The following IL1RAPL1 variants were observed in gnomAD, a reference collection of about 807,000 sequenced individuals.
IL1RAPL1 encodes interleukin-1 receptor accessory protein-like 1.
A neutral mutation model predicts 48.4 loss-of-function variants in IL1RAPL1; 3 were observed. The observed-to-expected ratio is 0.06, with a 90% CI of 0.03 to 0.16. The LOEUF (loss-of-function observed/expected upper bound fraction) is 0.16. Among genes scored for constraint, IL1RAPL1 ranks in the 10% least tolerant of loss-of-function variants. IL1RAPL1 has a pLI of 1.00. For missense variants in IL1RAPL1, 349 were observed against 530.6 expected, an observed-to-expected ratio of 0.66 and a Z score of 3.36; for synonymous variants, 185 against 187.7, an observed-to-expected ratio of 0.99 and a Z score of 0.12.
intron 6 of IL1RAPL1, among the ~76,000 whole-genome samples, chrX:29,803,375 A>G (rs193217846): frequency 0.017 from 1,457 of 83,945 alleles, 42 homozygotes; most frequent in Non-Finnish European, 0.027. Flanking sequence ...ATATGTATAT[A>G]TGTATACATG....
At chrX:29,569,245 C>T (rs1213108414) in intron 5 of IL1RAPL1, among the ~76,000 whole-genome samples, 1 of 110,527 alleles carries the variant, frequency 9.0e-6, no homozygotes, top group Admixed American at 9.7e-5. Flanking sequence ...ATAGTATAAA[C>T]ATTCTGACTA....
At chrX:29,589,323 G>C (rs752067851) in intron 5 of IL1RAPL1, among the ~76,000 whole-genome samples, 3 of 111,598 alleles carry the variant, frequency 2.7e-5, no homozygotes, top group Non-Finnish European at 3.8e-5. Context: ...TGTATTCATA[G>C]TTAGCGAGCA....
intron 2 of IL1RAPL1, among the ~76,000 whole-genome samples, chrX:28,839,656 C>T (rs945078526): frequency 2.7e-5 from 3 of 110,563 alleles, no homozygotes; most frequent in Non-Finnish European, 3.8e-5. Flanking sequence ...ATTAATCCAT[C>T]ATGATGATGA....
chrX:29,912,783 A>G (rs1443551889), intron 6 of IL1RAPL1, among the ~76,000 whole-genome samples: 1 of 112,208 alleles, frequency 8.9e-6, no homozygotes, highest in African/African-American at 3.2e-5. Context: ...CTGTTGTGTA[A>G]TTGGCATATC....
At chrX:29,188,752 A>G (rs1268379870) in intron 2 of IL1RAPL1, among the ~76,000 whole-genome samples, 1 of 108,935 alleles carries the variant, frequency 9.2e-6, no homozygotes, top group Non-Finnish European at 1.9e-5. Flanking sequence ...ATGCCTGGCT[A>G]ATTTTTTTAT....
In IL1RAPL1 at chrX:28,789,274, A is replaced by G. The variant is rs771645520; in HGVS notation, c.-24-46A>G. ...TGAAACTCTAATAATATTGCTATCT[A>G]TTTTTAAAACATGTATGTTTTTCTT... On this transcript the variant is annotated intron_variant, in intron 1 of 10. Transcript: ENST00000378993. 7 of 757,961 alleles carry G rather than the reference A, an allele frequency of 9.2e-6. No homozygotes were observed. The East Asian group carries it at 2.0e-4, about 21-fold the overall frequency. 62.5% of individuals were successfully genotyped at this position (757,961 alleles called of 1,213,427 possible).
At chrX:29,600,928 T>A (rs1923700732) in intron 5 of IL1RAPL1, among the ~76,000 whole-genome samples, 1 of 111,020 alleles carries the variant, frequency 9.0e-6, no homozygotes, top group Non-Finnish European at 1.9e-5. Context: ...ACCATGCCCC[T>A]CCAACAGCAC....
intron 3 of IL1RAPL1, among the ~76,000 whole-genome samples, chrX:29,378,853 C>G (rs1308692247): frequency 8.9e-6 from 1 of 112,223 alleles, no homozygotes; most frequent in East Asian, 2.8e-4. Context: ...CCACCATGCC[C>G]ACATTTATTT....
At chrX:29,182,577 T>G (rs975626279) in intron 2 of IL1RAPL1, among the ~76,000 whole-genome samples, 1 of 108,014 alleles carries the variant, frequency 9.3e-6, no homozygotes, top group African/African-American at 3.4e-5. Flanking sequence ...TGTACTTAGT[T>G]TTTTTTTTTT....
intron 6 of IL1RAPL1, among the ~76,000 whole-genome samples, chrX:29,815,043 C>T (rs1053540866): frequency 5.4e-5 from 6 of 111,160 alleles, no homozygotes; most frequent in African/African-American, 1.6e-4. Flanking sequence ...TGCTTAGAAC[C>T]GCTTTGGCTA....
At chrX:29,150,696 G>T (rs1929446213) in intron 2 of IL1RAPL1, among the ~76,000 whole-genome samples, 1 of 110,088 alleles carries the variant, frequency 9.1e-6, no homozygotes, top group Admixed American at 9.8e-5. Context: ...GGCTGAGGAG[G>T]GCAGATCACG....
chrX:29,431,274 T>A (rs1329809533), intron 5 of IL1RAPL1, among the ~76,000 whole-genome samples: 10 of 112,115 alleles, frequency 8.9e-5, no homozygotes, highest in Non-Finnish European at 5.6e-5. Context: ...AATATTCACA[T>A]TAAAAACATT....
In IL1RAPL1 at chrX:28,990,412, A is replaced by G. The variant is rs760705494; in HGVS notation, c.82+200987A>G. Among the ~76,000 whole-genome samples the G allele has an allele frequency of 1.4e-3, 159 of 112,156 alleles. 2 individuals are homozygous for G. Among genetic ancestry groups the G allele is most frequent in the Admixed American group, 2.8e-3 (30 of 10,527 alleles). On this transcript the variant is annotated intron_variant, in intron 2 of 10. Transcript: ENST00000378993. Reference sequence around the variant, plus strand: ...GCTTTCGTTGATCTGGATAGGAGATATCTGCCTGAAATGTGAATTAATCTG... The same window carrying G: ...GCTTTCGTTGATCTGGATAGGAGATGTCTGCCTGAAATGTGAATTAATCTG...
intron 1 of IL1RAPL1, among the ~76,000 whole-genome samples, chrX:28,768,129 A>T (rs1936262589): frequency 8.9e-6 from 1 of 111,835 alleles, no homozygotes; most frequent in Non-Finnish European, 1.9e-5. Flanking sequence ...ATTTTTATTT[A>T]TCATCATCTC....
In IL1RAPL1 at chrX:29,269,697, T is replaced by C. The variant is rs180921275; in HGVS notation, c.83-13241T>C. Among the ~76,000 whole-genome samples, 296 of 109,184 alleles carry C rather than the reference T, an allele frequency of 2.7e-3. 1 individual carries two copies. The highest frequency in any genetic ancestry group is 4.6e-3 in the Non-Finnish European group (241 of 52,317). 94.8% of individuals were successfully genotyped at this position (109,184 alleles called of 115,157 possible). ...AGTGATCTTCTAATAGGTCTTCTTT[T>C]TGATGTCTGTCACCTACATTCTATT... On this transcript the variant is annotated intron_variant, in intron 2 of 10. Coordinates refer to ENST00000378993, the MANE Select transcript of IL1RAPL1 (RefSeq NM_014271.4).
At chrX:29,809,591 C>T (rs1001060602) in intron 6 of IL1RAPL1, among the ~76,000 whole-genome samples, 4 of 110,365 alleles carry the variant, frequency 3.6e-5, no homozygotes, top group Admixed American at 9.7e-5. Flanking sequence ...AATTCACAAA[C>T]GGGACGTTAT....
chrX:29,104,684 G>T (rs964264283), intron 2 of IL1RAPL1, among the ~76,000 whole-genome samples: 1 of 111,011 alleles, frequency 9.0e-6, no homozygotes, highest in Non-Finnish European at 1.9e-5. Context: ...CATTTACTAT[G>T]ATGTGATTGT....
At chrX:29,675,100 TG>T (rs1455483966) in intron 6 of IL1RAPL1, among the ~76,000 whole-genome samples, 19 of 112,543 alleles carry the variant, frequency 1.7e-4, no homozygotes, top group Admixed American at 1.4e-3. Flanking sequence ...ATGGGATTGC[TG>T]GGTCAAATGG....
At chrX:29,402,995 GT>G (rs968378675) in intron 5 of IL1RAPL1, among the ~76,000 whole-genome samples, 10 of 111,194 alleles carry the variant, frequency 9.0e-5, no homozygotes, top group African/African-American at 3.3e-4. Flanking sequence ...TGTTAGGTAG[GT>G]TTTTCCACTG....
Sources: allele counts gnomAD v4.1 joint callset (sites outside exome capture counted in the v4.1 genomes callset), GRCh38; gene constraint gnomAD v4.1.1; transcripts MANE v1.5; gene names NCBI Gene and HGNC (gene_info 2026-07-23, HGNC 2026-07-21).